Variants in LPIN2 observed in about 807,000 individuals in gnomAD.
LPIN2 encodes the protein lipin 2.
In LPIN2, 55 loss-of-function variants were observed where a neutral mutation model predicts 111.4. The ratio of observed to expected loss-of-function variants is 0.49; its 90% CI spans 0.40 to 0.62. The LOEUF (loss-of-function observed/expected upper bound fraction) is 0.62, where lower values mean the gene tolerates loss of function less well. Ranked by LOEUF, LPIN2 falls within the 20% of genes least tolerant of loss-of-function variation. LPIN2 has a pLI of 0.00. For missense variants in LPIN2, 992 were observed against 1,112.1 expected (o/e 0.89, Z 1.54); for synonymous variants, 425 against 414.0 (o/e 1.03, Z -0.32).
At chr18:2,980,386 T>C (rs1436411812) in intron 1 of LPIN2, among the ~76,000 whole-genome samples, 1 of 152,212 alleles carries the variant, frequency 6.6e-6, no homozygotes, top group Non-Finnish European at 1.5e-5. Flanking sequence ...CTTGTTCACC[T>C]CCAGTTGTTC....
chr18:2,999,442 A>C (rs1228232981), intron 1 of LPIN2, among the ~76,000 whole-genome samples: 2 of 146,552 alleles, frequency 1.4e-5, no homozygotes, highest in Non-Finnish European at 3.0e-5. Context: ...TAAAAATACA[A>C]AAAAAAAAAA....
intron 3 of LPIN2, among the ~76,000 whole-genome samples, chr18:2,953,863 T>C (rs1343596210): frequency 6.6e-6 from 1 of 152,148 alleles, no homozygotes; most frequent in Non-Finnish European, 1.5e-5. Flanking sequence ...AATAAAAAGA[T>C]CCACATTGAA....
At chr18:2,999,893 A>C (rs1008187684) in intron 1 of LPIN2, among the ~76,000 whole-genome samples, 2 of 152,206 alleles carry the variant, frequency 1.3e-5, no homozygotes, top group African/African-American at 4.8e-5. Context: ...CTGTCTCTAC[A>C]AAAATTAAAA....
chr18:2,954,080 T>C (rs757586945), intron 3 of LPIN2, among the ~76,000 whole-genome samples: 28 of 152,172 alleles, frequency 1.8e-4, no homozygotes, highest in Admixed American at 3.3e-4. Flanking sequence ...AGGGATGTAA[T>C]ATCCCAACCA....
intron 7 of LPIN2, 148 bp downstream of exon 7, chr18:2,937,544 T>TAAAAA (rs71366618): frequency 5.5e-5 from 19 of 345,840 alleles, no homozygotes; most frequent in African/African-American, 1.1e-4. Flanking sequence ...AAACTCCAGC[T>TAAAAA]AAAAAAAAAA....
Position 2,917,995 on chromosome 18 carries a change from A to C in LPIN2, c.*2298T>G, listed in dbSNP as rs1362443372. On this transcript the variant is annotated 3_prime_UTR_variant, in exon 20 of 20. Transcript: ENST00000677752. ...CACAGAAAGAACAAATGTCATTTGT[A>C]CCAAATGGCAATGGATTTTCAGCAC... 1.3e-5 allele frequency: 2 copies of C among 152,346 alleles called. No homozygotes were observed. The highest frequency in any genetic ancestry group is 4.8e-5 in the African/African-American group (2 of 41,588). The allele number at this position is 152,346 out of a possible 1,614,324, so 9.4% of individuals were successfully genotyped here.
At chr18:2,981,874 ATT>A (rs1326630025) in intron 1 of LPIN2, among the ~76,000 whole-genome samples, 6 of 152,154 alleles carry the variant, frequency 3.9e-5, no homozygotes, top group Admixed American at 3.9e-4. Context: ...TTAGAAACTA[ATT>A]TTTGTCTCAC....
At chr18:2,933,675 A>G (rs1230570181) in intron 8 of LPIN2, among the ~76,000 whole-genome samples, 1 of 152,264 alleles carries the variant, frequency 6.6e-6, no homozygotes, top group African/African-American at 2.4e-5. Flanking sequence ...AGTATATTCA[A>G]GTCATACTTT....
rs531391038 is a variant in LPIN2 at position 2,946,340 on chromosome 18, C to G, written c.590+4715G>C. The G allele has an allele frequency of 5.3e-6, 8 of 1,501,616 alleles. No individual in the cohort carries two copies. In the South Asian group the frequency reaches 9.0e-5, roughly 17 times the overall value. The allele number at this position is 1,501,616 out of a possible 1,614,324, so 93.0% of individuals were successfully genotyped here. ...TTTGACTGGCTCAGGTGGCTTCTCA[C>G]TATTATGTCTACCTTTTGTACAGCC... On this transcript the variant is annotated intron_variant, in intron 4 of 19. Transcript: ENST00000677752.
chr18:2,977,316 T>C (rs1378082520), intron 1 of LPIN2: 1 of 152,124 alleles, frequency 6.6e-6, no homozygotes, highest in African/African-American at 2.4e-5. Flanking sequence ...AACCCATGGT[T>C]TTAAAGTACA....
rs59159362 is a variant in LPIN2 at position 2,992,974 on chromosome 18, CAA to C, written c.-10+20111_-10+20112del. On this transcript the variant is annotated intron_variant, in intron 1 of 19. Coordinates refer to ENST00000677752, the MANE Select transcript of LPIN2 (RefSeq NM_001375808.2). The stretch of plus-strand genomic sequence containing the variant: ...GCACTCCAGCCAGTGAGACCCGTCT[CAA>C]AAAAAAAAAAAAAAAAAAATTTAAA... 7.0e-3 allele frequency among the ~76,000 whole-genome samples: 680 copies of C among 97,320 alleles called. 5 individuals carry two copies. The highest frequency in any genetic ancestry group is 0.022 in the African/African-American group (537 of 24,630). The allele number at this position is 97,320 out of a possible 152,430, so 63.8% of individuals were successfully genotyped here.
Position 2,921,609 on chromosome 18 carries a change from T to G in LPIN2, c.2366A>C (p.Glu789Ala). Residue 789 changes from glutamate (E) to alanine (A), a missense_variant, in exon 18 of 20, where the codon GAG becomes GCG. Physicochemically the swap from Glu to Ala is moderately radical, Grantham distance 107. Coordinates refer to ENST00000677752, the MANE Select transcript of LPIN2 (RefSeq NM_001375808.2). ...IEKKPEKFKI[E>A]CLNDIKNLFA... The stretch of plus-strand genomic sequence containing the variant: ...CAGATTCTTGATATCATTTAGACAC[T>G]CAATTTTGAACTTCTCTGGTTTCTT... The G allele has an allele frequency of 6.2e-7, 1 of 1,613,898 alleles. No individual in the cohort carries two copies. Among genetic ancestry groups the G allele is most frequent in the East Asian group, 2.2e-5 (1 of 44,876 alleles).
chr18:2,977,620 C>T (rs1197688258), intron 1 of LPIN2, among the ~76,000 whole-genome samples: 2 of 151,912 alleles, frequency 1.3e-5, no homozygotes, highest in African/African-American at 4.8e-5. Context: ...AAAGAGCAAA[C>T]GTATGTCAGA....
At chr18:2,999,109 CAT>C (rs1418726514) in intron 1 of LPIN2, among the ~76,000 whole-genome samples, 2 of 152,286 alleles carry the variant, frequency 1.3e-5, no homozygotes, top group South Asian at 2.1e-4. Flanking sequence ...GAGGATGTCA[CAT>C]GTGTTATCCC....
intron 1 of LPIN2, among the ~76,000 whole-genome samples, chr18:3,004,566 T>C (rs1283201714): frequency 1.3e-5 from 2 of 152,178 alleles, no homozygotes; most frequent in Non-Finnish European, 2.9e-5. Flanking sequence ...TCCAGTGCCA[T>C]GTAACCCAGG....
intron 1 of LPIN2, among the ~76,000 whole-genome samples, chr18:2,992,911 G>A (rs2078285853): frequency 6.6e-6 from 1 of 150,582 alleles, no homozygotes. Context: ...GCGTGAACCT[G>A]GAAGGCGGAG....
At chr18:3,005,234 C>G (rs915513450) in intron 1 of LPIN2, among the ~76,000 whole-genome samples, 1 of 151,906 alleles carries the variant, frequency 6.6e-6, no homozygotes, top group Non-Finnish European at 1.5e-5. Flanking sequence ...CCTGTAATCC[C>G]AGCTACTAGG....
chr18:2,930,147 G>C (rs2077193488), intron 9 of LPIN2, among the ~76,000 whole-genome samples: 1 of 152,146 alleles, frequency 6.6e-6, no homozygotes, highest in Non-Finnish European at 1.5e-5. Context: ...TCCAGGTAAT[G>C]TGTGTATTAC....
At chr18:2,958,175 A>G (rs965217389) in intron 2 of LPIN2, among the ~76,000 whole-genome samples, 1 of 118,148 alleles carries the variant, frequency 8.5e-6, no homozygotes, top group African/African-American at 3.1e-5. Flanking sequence ...AAAAAAAAAC[A>G]GAAAAAAGAA....
Sources: allele counts gnomAD v4.1 joint callset (sites outside exome capture counted in the v4.1 genomes callset), GRCh38; gene constraint gnomAD v4.1.1; transcripts MANE v1.5; gene names NCBI Gene and HGNC (gene_info 2026-07-23, HGNC 2026-07-21).